SCYL1: variants seen among roughly 807,000 people sequenced by gnomAD.
SCYL1 encodes SCY1 like pseudokinase 1.
In SCYL1, 85 loss-of-function variants were observed where a neutral mutation model predicts 94.8. The observed-to-expected ratio is 0.90, with a 90% confidence interval of 0.75 to 1.07. The LOEUF (loss-of-function observed/expected upper bound fraction) is 1.07. Ranked by LOEUF, SCYL1 falls within the 50% of genes least tolerant of loss-of-function variation. SCYL1 has a pLI of 0.00. For missense variants in SCYL1, 968 were observed against 1,083.3 expected (o/e 0.89, Z 1.49); for synonymous variants, 459 against 435.5 (o/e 1.05, Z -0.67).
At chr11:65,538,218 G>A (rs369595890) in intron 16 of SCYL1, 36 bp downstream of exon 16, 2 of 1,558,242 alleles carry the variant, frequency 1.3e-6, no homozygotes, top group African/African-American at 1.4e-5. Flanking sequence ...GGTAGAGATG[G>A]TGGACCTCAG....
intron 8 of SCYL1, 93 bp downstream of exon 8, chr11:65,531,776 A>G (rs1855379202): frequency 9.1e-6 from 8 of 876,160 alleles, no homozygotes; most frequent in African/African-American, 1.7e-5. Flanking sequence ...GGGACCCCAG[A>G]AACCCCACCC....
intron 17 of SCYL1, 57 bp downstream of exon 17, chr11:65,538,381 A>G (rs1394050517): frequency 1.3e-6 from 2 of 1,539,550 alleles, no homozygotes; most frequent in Non-Finnish European, 1.8e-6. Context: ...GCCCGCCCCT[A>G]CAGGCCCCCG....
At chr11:65,532,121 C>T (rs1440224747) in intron 8 of SCYL1, among the ~76,000 whole-genome samples, 1 of 152,128 alleles carries the variant, frequency 6.6e-6, no homozygotes, top group Non-Finnish European at 1.5e-5. Context: ...GGGTGATACC[C>T]TCATTTATAG....
intron 6 of SCYL1, among the ~76,000 whole-genome samples, 169 bp from the exon 7 acceptor site, chr11:65,530,460 T>C (rs752010856): frequency 2.0e-5 from 3 of 152,216 alleles, no homozygotes; most frequent in Non-Finnish European, 4.4e-5. Flanking sequence ...AGAGCTGTTA[T>C]CCCATTTTAC....
Position 65,527,086 on chromosome 11 carries a change from T to TCAAA in SCYL1, c.818_819insCAAA (p.Glu274LysfsTer34). The TCAAA allele has an allele frequency of 1.9e-6, 3 of 1,613,598 alleles. No homozygotes were observed. The highest frequency in any genetic ancestry group is 2.5e-6 in the Non-Finnish European group (3 of 1,179,978). On this transcript the variant is annotated frameshift_variant, in exon 6 of 18. Transcript: ENST00000270176. LOFTEE classifies it high-confidence loss of function. ...GGTGGCTTCATGAGCAACCGCTTTG[T>TCAAA]AGAAACCAACCTCTTCCTGGAGGAG...
chr11:65,526,715 C>T lies in SCYL1; in HGVS notation c.603-68C>T. On this transcript the variant is annotated intron_variant, in intron 4 of 17. Coordinates refer to ENST00000270176, the MANE Select transcript of SCYL1 (RefSeq NM_020680.4). The surrounding 1 kb of genome is among the most constrained non-coding windows in gnomAD (Gnocchi z 4.1). The stretch of plus-strand genomic sequence containing the variant: ...CCTGGCATGCAGTGGGTGCCTGGTG[C>T]CCAAGGCAGGCTGGAGGCCTGTGCA... 6.7e-7 allele frequency: 1 copy of T among 1,499,100 alleles called. No individual in the cohort carries two copies. The highest frequency in any genetic ancestry group is 9.1e-7 in the Non-Finnish European group (1 of 1,096,230). 92.9% of individuals were successfully genotyped at this position (1,499,100 alleles called of 1,614,324 possible). A position where few individuals can be genotyped will look rare whatever the true frequency, so the allele number is the denominator to read the frequency against.
intron 6 of SCYL1, among the ~76,000 whole-genome samples, chr11:65,528,226 T>G (rs1855188210): frequency 6.6e-6 from 1 of 151,948 alleles, no homozygotes; most frequent in African/African-American, 2.4e-5. Context: ...GTGGATCACC[T>G]GAGGTCGGGA....
At chr11:65,525,781 C>G (rs942534247) in intron 2 of SCYL1, 67 bp downstream of exon 2, 1 of 1,597,230 alleles carries the variant, frequency 6.3e-7, no homozygotes, top group Admixed American at 1.7e-5. Context: ...CCTGTCTCCC[C>G]TCCTGCCCTG....
chr11:65,530,869 T>A, intron 7 of SCYL1, 82 bp downstream of exon 7: 9 of 1,481,130 alleles, frequency 6.1e-6, no homozygotes, highest in Non-Finnish European at 8.1e-6. Flanking sequence ...GGGCAGGCTG[T>A]TTAGGGCAGA....
chr11:65,534,858 G>T (rs1855560718), intron 9 of SCYL1, among the ~76,000 whole-genome samples: 2 of 152,136 alleles, frequency 1.3e-5, no homozygotes, highest in Non-Finnish European at 2.9e-5. Context: ...ACTGCTGAGG[G>T]TCAAGTTTGG....
Position 65,536,663 on chromosome 11 carries a change from G to A in SCYL1, c.1729G>A (p.Val577Ile). 1 of 1,614,056 alleles carries A rather than the reference G, an allele frequency of 6.2e-7. No individual in the cohort carries two copies. Among genetic ancestry groups the A allele is most frequent in the Non-Finnish European group, 8.5e-7 (1 of 1,179,954 alleles). Residue 577 changes from valine to isoleucine, a missense_variant, in exon 13 of 18, where the codon GTC becomes ATC. Around this residue, in one of 2 missense-constraint regions of SCYL1, gnomAD observed 474 missense variants for 463.6 expected, o/e 1.02. Transcript: ENST00000270176. ...CTGGGCAGGCTGGGCCGTGACCGGGGTCTCCTCACTCACCTCCAAGCTGAT... is the reference window on the plus strand; with the variant it reads ...CTGGGCAGGCTGGGCCGTGACCGGGATCTCCTCACTCACCTCCAAGCTGAT... ...ASWAGWAVTG[V>I]SSLTSKLIRS... is the part of the protein sequence containing the mutation.
intron 6 of SCYL1, among the ~76,000 whole-genome samples, chr11:65,529,435 T>A (rs989964050): frequency 2.0e-5 from 3 of 152,138 alleles, no homozygotes; most frequent in African/African-American, 7.2e-5. Context: ...CCTCTTCCCA[T>A]TGTTAGGTGG....
rs1209439165 is a variant in SCYL1, at chr11:65,538,507, C to A, written c.2368C>A (p.Arg790Ser). ...GCGGCGGCGGGAGATGGAGGCCAAA[C>A]GCGCCGAGAGGAAGGTGGCCAAGGG... ...EERRREMEAK[R>S]AERKVAKGPM... The change falls in exon 18 of 18, where the codon CGC becomes AGC. Residue 790 changes from arginine (R) to serine (S), a missense_variant. Physicochemically the swap from Arg to Ser is moderately radical, Grantham distance 110. Around this residue, in one of 2 missense-constraint regions of SCYL1, gnomAD observed 474 missense variants for 463.6 expected, o/e 1.02. Coordinates refer to ENST00000270176, the MANE Select transcript of SCYL1 (RefSeq NM_020680.4). The A allele has an allele frequency of 1.2e-6, 2 of 1,606,670 alleles. No homozygotes were observed. Among genetic ancestry groups the A allele is most frequent in the South Asian group, 2.2e-5 (2 of 90,168 alleles).
Position 65,537,850 on chromosome 11 carries a change from C to A in SCYL1, c.2001C>A (p.Ser667Arg). ...ESVLAQQDDWSTGGQVSRASQ... is the reference protein window; with the variant it reads ...ESVLAQQDDWRTGGQVSRASQ... ...TGCTGGCCCAGCAGGACGACTGGAG[C>A]ACCGGGGGCCAAGTGAGCCGTGCTA... Residue 667 changes from serine (S) to arginine (R), a missense_variant, in exon 15 of 18, where the codon AGC becomes AGA. Physicochemically the swap from Ser to Arg is moderately radical, Grantham distance 110. Coordinates refer to ENST00000270176, the MANE Select transcript of SCYL1 (RefSeq NM_020680.4). 6.4e-7 allele frequency: 1 copy of A among 1,574,472 alleles called. No homozygotes were observed. Among genetic ancestry groups the A allele is most frequent in the Non-Finnish European group, 8.6e-7 (1 of 1,159,636 alleles).
chr11:65,536,938 C>T (rs1211024681), intron 13 of SCYL1, 48 bp from the exon 14 acceptor site: 1 of 1,502,610 alleles, frequency 6.7e-7, no homozygotes, highest in South Asian at 1.1e-5. Flanking sequence ...GCAGCCTCTG[C>T]CCTGTCCCAA....
intron 6 of SCYL1, among the ~76,000 whole-genome samples, chr11:65,527,885 A>C (rs1855170213): frequency 2.6e-5 from 4 of 152,222 alleles, no homozygotes; most frequent in Admixed American, 2.6e-4. Flanking sequence ...GTGAGGAGTC[A>C]GAATTGAAAA....
At chr11:65,534,679 G>A (rs1398633022) in intron 9 of SCYL1, among the ~76,000 whole-genome samples, 1 of 152,162 alleles carries the variant, frequency 6.6e-6, no homozygotes, top group Non-Finnish European at 1.5e-5. Context: ...GATCACCTAG[G>A]GCAAGAGTGT....
chr11:65,527,441 A>G (rs1731577524), intron 6 of SCYL1, among the ~76,000 whole-genome samples: 1 of 152,176 alleles, frequency 6.6e-6, no homozygotes, highest in African/African-American at 2.4e-5. Flanking sequence ...TTTTTGGATT[A>G]CAGATGTTAA....
chr11:65,528,703 G>A (rs1855214317), intron 6 of SCYL1, among the ~76,000 whole-genome samples: 1 of 152,088 alleles, frequency 6.6e-6, no homozygotes, highest in African/African-American at 2.4e-5. Context: ...GGAGGTTGCA[G>A]TGAGCCGAGA....
Sources: gnomAD v4.1 joint callset for allele counts (sites outside exome capture counted in the v4.1 genomes callset) on GRCh38, gnomAD v4.1.1 for gene constraint, gnomAD v4.1.1 regional missense constraint, Gnocchi (gnomAD v3.1) non-coding constraint, MANE v1.5 for transcripts, NCBI Gene and HGNC (gene_info 2026-07-23, HGNC 2026-07-21) for gene names.